ZNF530: variants seen among roughly 807,000 people sequenced by gnomAD.
The protein encoded by ZNF530 is zinc finger protein 530.
A neutral mutation model predicts 2.8 loss-of-function variants in ZNF530; 5 were observed. The ratio of observed to expected loss-of-function variants is 1.80; its 90% CI spans 0.94 to 3.78. The LOEUF (loss-of-function observed/expected upper bound fraction) is 3.78. ZNF530 is among the 30% of genes most tolerant of loss of function. ZNF530 has a pLI of 0.00. For synonymous variants in ZNF530, 229 were observed against 235.0 expected (o/e 0.97, Z 0.23); for missense variants, 619 against 673.3 (o/e 0.92, Z 0.89).
downstream of ZNF530, among the ~76,000 whole-genome samples, chr19:57,610,106 A>G (rs116228128): frequency 1.3e-5 from 2 of 152,220 alleles, no homozygotes; most frequent in Non-Finnish European, 2.9e-5. Context: ...GTACAACTTG[A>G]TAAGTTCTGA....
intron 2 of ZNF530, among the ~76,000 whole-genome samples, chr19:57,601,706 G>A (rs73062587): frequency 0.19 from 29,433 of 152,108 alleles, 2,960 homozygotes; most frequent in Middle Eastern, 0.25. Context: ...AAATACCTAA[G>A]GCTGGGTAGT....
chr19:57,605,808 AT>A lies in ZNF530; in HGVS notation c.187del (p.Cys63ValfsTer5). 1 of 1,614,182 alleles carries A rather than the reference AT, an allele frequency of 6.2e-7. No homozygotes were observed. Among genetic ancestry groups the A allele is most frequent in the Middle Eastern group, 1.6e-4 (1 of 6,062 alleles). ...CACTGATAAGAGTCACCCCTGTGAG[AT>A]TTGTACCCCAGTCCTGAGAGACATT... ...TSTDKSHPCE[I>X]CTPVLRDILQ... On this transcript the variant is annotated frameshift_variant, in exon 4 of 4. Transcript: ENST00000597700. LOFTEE classifies it low-confidence loss of function (END_TRUNC).
chr19:57,610,752 G>A (rs561777967), downstream of ZNF530, among the ~76,000 whole-genome samples: 1 of 152,230 alleles, frequency 6.6e-6, no homozygotes, highest in South Asian at 2.1e-4. Context: ...AAAATTCTGA[G>A]CTTAAAACCT....
At chr19:57,612,648 T>C (rs1359091194), downstream of ZNF530, 3 of 396,774 alleles carry the variant, frequency 7.6e-6, no homozygotes, top group Non-Finnish European at 1.3e-5. Flanking sequence ...GCCACTACAC[T>C]CCAGCCTGTG....
At position 57,606,054 on chromosome 19, in the gene ZNF530, T is replaced by G. The variant is rs1388667728; in HGVS notation, c.430T>G (p.Phe144Val). 1 of 1,614,064 alleles carries G rather than the reference T, an allele frequency of 6.2e-7. No homozygotes were observed. The highest frequency in any genetic ancestry group is 8.5e-7 in the Non-Finnish European group (1 of 1,180,040). Residue 144 changes from phenylalanine to valine, a missense_variant, in exon 4 of 4, where the codon TTT becomes GTT. By Grantham distance (50) the Phe-to-Val change is conservative. Coordinates refer to ENST00000597700, the MANE Select transcript of ZNF530 (RefSeq NM_001321981.2). The part of the protein sequence containing the change: ...PFTFGEVGRD[F>V]SATSGLLQHQ... ...CACGTTTGGGGAAGTCGGGAGGGAC[T>G]TTTCAGCCACCTCAGGACTTCTCCA...
At chr19:57,612,489 ACTTCTC>A, downstream of ZNF530, 1 of 400,708 alleles carries the variant, frequency 2.5e-6, no homozygotes, top group Middle Eastern at 3.1e-4. Flanking sequence ...TGTTTTCTTT[ACTTCTC>A]CTTCCAGGTA....
At chr19:57,602,553 G>A (rs1980294703) in intron 2 of ZNF530, among the ~76,000 whole-genome samples, 2 of 152,152 alleles carry the variant, frequency 1.3e-5, no homozygotes, top group Non-Finnish European at 2.9e-5. Flanking sequence ...TACCATACTT[G>A]GGTATCTGGA....
At chr19:57,603,336 G>A (rs1980338833) in intron 2 of ZNF530, among the ~76,000 whole-genome samples, 1 of 152,228 alleles carries the variant, frequency 6.6e-6, no homozygotes, top group Non-Finnish European at 1.5e-5. Context: ...AGATTTGGGT[G>A]GAGACACAGC....
At position 57,604,303 on chromosome 19, in the gene ZNF530, G is replaced by C. The variant is rs368533290; in HGVS notation, c.-43G>C. The C allele has an allele frequency of 1.9e-6, 3 of 1,614,100 alleles. No homozygotes were observed. The highest frequency in any genetic ancestry group is 2.5e-6 in the Non-Finnish European group (3 of 1,179,996). Reference sequence around the variant, plus strand: ...AGGTTTTTGTAGCCTTTGAGGATGTGGCCATTTACTTCTCCCAGGAGGAGT... The same window carrying C: ...AGGTTTTTGTAGCCTTTGAGGATGTCGCCATTTACTTCTCCCAGGAGGAGT... On this transcript the variant is annotated 5_prime_UTR_variant, in exon 3 of 4. Coordinates refer to ENST00000597700, the MANE Select transcript of ZNF530 (RefSeq NM_001321981.2).
chr19:57,605,629 A>T, intron 3 of ZNF530, 57 bp from the exon 4 acceptor site: 4 of 1,483,310 alleles, frequency 2.7e-6, no homozygotes, highest in Non-Finnish European at 3.6e-6. Context: ...CACATTTTTG[A>T]TGTAACTTCT....
At chr19:57,604,168 C>G in intron 2 of ZNF530, 109 bp from the exon 3 acceptor site, 1 of 1,510,966 alleles carries the variant, frequency 6.6e-7, no homozygotes, top group South Asian at 1.1e-5. Flanking sequence ...GTTGTATTCG[C>G]TGAGGTGGGG....
rs1440126874 is a variant in ZNF530, at chr19:57,609,667, CTA to C, written c.*2344_*2345del. Among the ~76,000 whole-genome samples the C allele has an allele frequency of 6.6e-6, 1 of 152,164 alleles. No individual in the cohort carries two copies. The highest frequency in any genetic ancestry group is 1.5e-5 in the Non-Finnish European group (1 of 68,036). On this transcript the variant is annotated 3_prime_UTR_variant, in exon 4 of 4. Transcript: ENST00000597700. The stretch of plus-strand genomic sequence containing the variant: ...AAAGTATCCACAAATGTTCCAGTGA[CTA>C]TGACTGCAAGATCACTGTGTGCAGA...
Position 57,604,333 on chromosome 19 carries a change from G to C in ZNF530, c.-13G>C. 1 of 1,614,130 alleles carries C rather than the reference G, an allele frequency of 6.2e-7. No homozygotes were observed. The highest frequency in any genetic ancestry group is 2.2e-5 in the East Asian group (1 of 44,878). ...TTTACTTCTCCCAGGAGGAGTGGGA[G>C]CTCCTTGATGAGATGCAGAGGCTCC... On this transcript the variant is annotated 5_prime_UTR_variant, in exon 3 of 4. Transcript: ENST00000597700.
At chr19:57,600,215 ACCGCACTGT>A in intron 1 of ZNF530, 81 bp downstream of exon 1, 1 of 1,490,014 alleles carries the variant, frequency 6.7e-7, no homozygotes, top group South Asian at 1.3e-5. Flanking sequence ...TGCAGCCCGG[ACCGCACTGT>A]CCGGCACAGT....
intron 3 of ZNF530, 34 bp from the exon 4 acceptor site, chr19:57,605,652 A>T (rs775218011): frequency 1.3e-6 from 2 of 1,553,748 alleles, no homozygotes; most frequent in Non-Finnish European, 1.7e-6. Context: ...CACCATAGTA[A>T]ATCTGTGTTT....
chr19:57,604,561 C>A (rs1325808061), intron 3 of ZNF530, 155 bp downstream of exon 3: 2 of 960,378 alleles, frequency 2.1e-6, no homozygotes, highest in African/African-American at 3.3e-5. Flanking sequence ...CCAAGCAAGG[C>A]ACTCTCAGAC....
chr19:57,602,853 AAG>A (rs1980311953), intron 2 of ZNF530, among the ~76,000 whole-genome samples: 1 of 152,178 alleles, frequency 6.6e-6, no homozygotes, highest in Admixed American at 6.5e-5. Flanking sequence ...AGCAGGCAAA[AAG>A]AGAGTTTGTG....
intron 3 of ZNF530, 165 bp from the exon 4 acceptor site, chr19:57,605,521 A>G: frequency 1.6e-6 from 1 of 618,864 alleles, no homozygotes; most frequent in Non-Finnish European, 2.7e-6. Context: ...TTCATCTCAT[A>G]AGGCCTCCCT....
chr19:57,604,445 C>G (rs367830643), intron 3 of ZNF530, 39 bp downstream of exon 3: 62 of 1,596,202 alleles, frequency 3.9e-5, no homozygotes, highest in Non-Finnish European at 4.3e-5. Flanking sequence ...CTTTGTGGGT[C>G]TCTCCTTTTC....
Sources: allele counts gnomAD v4.1 joint callset (sites outside exome capture counted in the v4.1 genomes callset), GRCh38; gene constraint gnomAD v4.1.1; transcripts MANE v1.5; gene names NCBI Gene and HGNC (gene_info 2026-07-23, HGNC 2026-07-21).